The following FLRT1 variants were observed in gnomAD, a reference collection of about 807,000 sequenced individuals.
The protein encoded by FLRT1 is leucine-rich repeat transmembrane protein FLRT1.
FLRT1 carries 14 observed loss-of-function variants against 30.9 expected under a neutral mutation model. The ratio of observed to expected loss-of-function variants is 0.45; its 90% CI spans 0.30 to 0.71. FLRT1 has a LOEUF of 0.71. FLRT1 is among the 30% of genes least tolerant of loss of function. The pLI is 0.08. For missense variants in FLRT1, 737 were observed against 949.2 expected (o/e 0.78, Z 2.94); for synonymous variants, 368 against 430.4 (o/e 0.85, Z 1.80).
intron 1 of FLRT1, among the ~76,000 whole-genome samples, chr11:64,091,578 C>T (rs1944491657): frequency 1.3e-5 from 2 of 152,170 alleles, no homozygotes; most frequent in South Asian, 4.1e-4. Context: ...GGCGTTTGCA[C>T]AGCACCTCCT....
chr11:64,109,251 G>A (rs982761520), intron 2 of FLRT1, among the ~76,000 whole-genome samples: 3 of 152,160 alleles, frequency 2.0e-5, no homozygotes, highest in Non-Finnish European at 4.4e-5. Flanking sequence ...CAGCAGCAGG[G>A]TCCCCAGCAA....
intron 1 of FLRT1, among the ~76,000 whole-genome samples, chr11:64,057,281 T>C (rs1266479098): frequency 1.3e-5 from 2 of 152,236 alleles, no homozygotes; most frequent in Non-Finnish European, 2.9e-5. Context: ...CCCTGCAGAC[T>C]GAGAGCAGGT....
chr11:64,094,475 G>T (rs1191507711), intron 1 of FLRT1, among the ~76,000 whole-genome samples: 1 of 152,030 alleles, frequency 6.6e-6, no homozygotes, highest in Non-Finnish European at 1.5e-5. Flanking sequence ...GCAGGCTGGG[G>T]ACAAGGAAGG....
At chr11:64,037,621 G>A (rs376781038) in intron 1 of FLRT1, among the ~76,000 whole-genome samples, 19 of 152,256 alleles carry the variant, frequency 1.2e-4, no homozygotes, top group African/African-American at 4.3e-4. Context: ...CACATATCTG[G>A]CTGAAGGGTC....
chr11:64,114,785 G>A (rs1456835609), intron 2 of FLRT1, among the ~76,000 whole-genome samples: 1 of 152,174 alleles, frequency 6.6e-6, no homozygotes, highest in African/African-American at 2.4e-5. Flanking sequence ...ATGTACAGGT[G>A]GATGGATGGT....
intron 1 of FLRT1, among the ~76,000 whole-genome samples, chr11:64,071,054 C>T (rs544797959): frequency 4.3e-4 from 65 of 152,290 alleles, no homozygotes; most frequent in African/African-American, 1.4e-3. Context: ...TCTCTGTGCA[C>T]CTGTTGGGGA....
intron 2 of FLRT1, among the ~76,000 whole-genome samples, chr11:64,110,643 T>C (rs1944844936): frequency 6.6e-6 from 1 of 151,698 alleles, no homozygotes; most frequent in African/African-American, 2.4e-5. Flanking sequence ...ATCCCACTGC[T>C]CCCTTCGCCC....
intron 1 of FLRT1, among the ~76,000 whole-genome samples, chr11:64,050,981 G>A (rs1943682683): frequency 6.6e-6 from 1 of 152,238 alleles, no homozygotes. Flanking sequence ...CCTGTCCCCT[G>A]AGCCCCACTC....
At chr11:64,041,888 C>T (rs1021619439) in intron 1 of FLRT1, among the ~76,000 whole-genome samples, 5 of 152,230 alleles carry the variant, frequency 3.3e-5, no homozygotes, top group South Asian at 2.1e-4. Flanking sequence ...GAGGGTGCCC[C>T]GCCCAGTTAA....
rs139180904 is a variant in FLRT1, at chr11:64,059,717, G to A, written c.-1038+23558G>A. Among the ~76,000 whole-genome samples, 168 of 152,354 alleles carry A rather than the reference G, an allele frequency of 1.1e-3. 2 individuals carry two copies. The highest frequency in any genetic ancestry group is 3.2e-3 in the African/African-American group (135 of 41,584). On this transcript the variant is annotated intron_variant, in intron 1 of 2. Transcript: ENST00000682287. Reference sequence around the variant, plus strand: ...GGCACAGAGAGGGGCAGGTCACTCAGCTACTCCCAGCTGAGGCAAACGCAG... The same window carrying A: ...GGCACAGAGAGGGGCAGGTCACTCAACTACTCCCAGCTGAGGCAAACGCAG...
chr11:64,068,365 G>T (rs1264158713), intron 1 of FLRT1, among the ~76,000 whole-genome samples: 1 of 152,234 alleles, frequency 6.6e-6, no homozygotes, highest in Non-Finnish European at 1.5e-5. Context: ...GCAGGCTCAG[G>T]CCCAGCTGCC....
chr11:64,097,558 C>A (rs550529263), intron 1 of FLRT1, among the ~76,000 whole-genome samples: 1 of 152,380 alleles, frequency 6.6e-6, no homozygotes, highest in Admixed American at 6.5e-5. Context: ...CTCCTGAAGC[C>A]ACCCACGGCC....
intron 2 of FLRT1, among the ~76,000 whole-genome samples, chr11:64,111,172 G>C (rs72918475): frequency 0.17 from 25,206 of 152,296 alleles, 2,346 homozygotes; most frequent in Admixed American, 0.28. Flanking sequence ...GTCCATACCA[G>C]GGAATGCGGT....
intron 1 of FLRT1, among the ~76,000 whole-genome samples, chr11:64,055,851 C>T (rs565180020): frequency 2.1e-4 from 32 of 152,284 alleles, no homozygotes; most frequent in African/African-American, 6.5e-4. Context: ...CAGGCCAGGC[C>T]GGTGACTCTT....
chr11:64,089,774 G>A (rs1944458300), intron 1 of FLRT1, among the ~76,000 whole-genome samples: 1 of 152,142 alleles, frequency 6.6e-6, no homozygotes, highest in South Asian at 2.1e-4. Context: ...TGGGGGCAGG[G>A]CTGAGAGGAG....
rs375707394 is a variant in FLRT1, at chr11:64,090,686, C to CGG, written c.-1037-12505_-1037-12504dup. 6.6e-6 allele frequency among the ~76,000 whole-genome samples: 1 copy of CGG among 152,236 alleles called. No homozygotes were observed. The highest frequency in any genetic ancestry group is 2.4e-5 in the African/African-American group (1 of 41,528). ...CCACCAACAGACCACTTCTCTGAGG[C>CGG]GGGGACGTCCCAAGACTAAAATGGG... is the stretch of plus-strand genomic sequence containing the variant. On this transcript the variant is annotated intron_variant, in intron 1 of 2. Coordinates refer to ENST00000682287, the MANE Select transcript of FLRT1 (RefSeq NM_013280.5). This position sits in a 1 kb window ranked among gnomAD's most constrained non-coding sequence, Gnocchi z 4.7.
Position 64,036,542 on chromosome 11 carries a change from C to T in FLRT1, c.-1038+383C>T, listed in dbSNP as rs1943384158. 6.6e-6 allele frequency among the ~76,000 whole-genome samples: 1 copy of T among 152,176 alleles called. No homozygotes were observed. Among genetic ancestry groups the T allele is most frequent in the Non-Finnish European group, 1.5e-5 (1 of 68,004 alleles). On this transcript the variant is annotated intron_variant, in intron 1 of 2. Transcript: ENST00000682287. The surrounding 1 kb of genome is among the most constrained non-coding windows in gnomAD (Gnocchi z 5.6). ...GGCGTCAGGCCGGTCATGTGGGTCC[C>T]AGCTCCCGCACTCGGGAACCGGAGG...
intron 1 of FLRT1, among the ~76,000 whole-genome samples, chr11:64,101,152 A>G (rs1330172705): frequency 6.6e-6 from 1 of 151,914 alleles, no homozygotes; most frequent in African/African-American, 2.4e-5. Flanking sequence ...GGAGGGAGGG[A>G]TGACGTCTGC....
chr11:64,043,399 C>T (rs999618458), intron 1 of FLRT1, among the ~76,000 whole-genome samples: 1 of 152,168 alleles, frequency 6.6e-6, no homozygotes, highest in Non-Finnish European at 1.5e-5. Flanking sequence ...GTCTGGGGCC[C>T]ATGCAGTAGC....
Sources: gnomAD v4.1 joint callset for allele counts (sites outside exome capture counted in the v4.1 genomes callset) on GRCh38, gnomAD v4.1.1 for gene constraint, Gnocchi (gnomAD v3.1) non-coding constraint, MANE v1.5 for transcripts, NCBI Gene and HGNC (gene_info 2026-07-23, HGNC 2026-07-21) for gene names.